The following CPA3 variants were observed in gnomAD, a reference collection of about 807,000 sequenced individuals.
The protein encoded by CPA3 is mast cell carboxypeptidase A.
CPA3 carries 52 observed loss-of-function variants against 55.8 expected under a neutral mutation model. That is an observed-to-expected ratio of 0.93 (90% confidence interval 0.75 to 1.17). The LOEUF (loss-of-function observed/expected upper bound fraction) is 1.17, where lower values mean the gene tolerates loss of function less well. Among genes scored for constraint, CPA3 ranks in the 50% most tolerant of loss-of-function variants. CPA3 has a pLI of 0.00. For synonymous variants in CPA3, 179 were observed against 171.2 expected (o/e 1.05, Z -0.36); for missense variants, 547 against 509.1 (o/e 1.07, Z -0.72).
At chr3:148,867,426 AC>A (rs766242911) in intron 2 of CPA3, among the ~76,000 whole-genome samples, 1 of 152,234 alleles carries the variant, frequency 6.6e-6, no homozygotes, top group Admixed American at 6.5e-5. Context: ...TGTGTTCCAC[AC>A]CAAACCTTTC....
chr3:148,872,708 C>T (rs1243416755), intron 3 of CPA3, among the ~76,000 whole-genome samples: 3 of 151,958 alleles, frequency 2.0e-5, no homozygotes, highest in South Asian at 2.1e-4. Flanking sequence ...CACATTTTTA[C>T]GTATTACTTA....
At chr3:148,890,778 A>G (rs12638376) in intron 10 of CPA3, among the ~76,000 whole-genome samples, 6,099 of 152,280 alleles carry the variant, frequency 0.04, 174 homozygotes, top group East Asian at 0.098. Flanking sequence ...TAAGTCACCA[A>G]CGTCACTTTA....
chr3:148,877,452 C>A (rs1002440496), intron 3 of CPA3, among the ~76,000 whole-genome samples: 15 of 151,990 alleles, frequency 9.9e-5, no homozygotes, highest in African/African-American at 3.4e-4. Flanking sequence ...CGAGATCACA[C>A]CATTGCACTC....
At chr3:148,886,649 C>A (rs531362277) in intron 10 of CPA3, among the ~76,000 whole-genome samples, 24 of 152,196 alleles carry the variant, frequency 1.6e-4, no homozygotes, top group Admixed American at 1.2e-3. Flanking sequence ...GAGCTGTGAT[C>A]GTGCCACGGC....
At position 148,883,755 on chromosome 3, in the gene CPA3, C is replaced by T; in HGVS notation, c.921C>T (p.Ser307=). 1 of 1,614,072 alleles carries T rather than the reference C, an allele frequency of 6.2e-7. No individual in the cohort carries two copies. The highest frequency in any genetic ancestry group is 8.5e-7 in the Non-Finnish European group (1 of 1,179,958). ...TTTACATCACCTTCCATTCCTACTC[C>T]CAGATGCTATTGTTTCCCTATGGAT... ...IKVYITFHSY[S]QMLLFPYGYT... Residue 307 remains serine (S), a synonymous_variant, in exon 9 of 11, where the codon TCC becomes TCT. Coordinates refer to ENST00000296046, the MANE Select transcript of CPA3 (RefSeq NM_001870.4).
At position 148,881,585 on chromosome 3, in the gene CPA3, A is replaced by T; in HGVS notation, c.640A>T (p.Ile214Phe). ...TKLLDRMNFY[I>F]LPVFNVDGYI... ...ACTCTTGGACCGAATGAATTTTTAC[A>T]TTCTTCCTGTGTTCAATGTTGATGG... The change falls in exon 7 of 11, where the codon ATT (isoleucine) becomes TTT (phenylalanine). Residue 214 changes from isoleucine (I) to phenylalanine (F), a missense_variant. Coordinates refer to ENST00000296046, the MANE Select transcript of CPA3 (RefSeq NM_001870.4). The T allele has an allele frequency of 6.2e-7, 1 of 1,613,166 alleles. No homozygotes were observed. Among genetic ancestry groups the T allele is most frequent in the Non-Finnish European group, 8.5e-7 (1 of 1,179,494 alleles).
chr3:148,885,024 C>T (rs75653275), intron 9 of CPA3, among the ~76,000 whole-genome samples: 1,827 of 152,210 alleles, frequency 0.012, 35 homozygotes, highest in African/African-American at 0.041. Flanking sequence ...CATTAAAATT[C>T]ATTCTGACAA....
Position 148,871,995 on chromosome 3 carries a change from T to C in CPA3, c.269+2956T>C, listed in dbSNP as rs116343582. 1.9e-3 allele frequency among the ~76,000 whole-genome samples: 282 copies of C among 152,306 alleles called. 2 individuals carry two copies. The highest frequency in any genetic ancestry group is 6.5e-3 in the African/African-American group (272 of 41,568). ...GGCACCAGGCTGAATTAAACCATAT[T>C]AAAAGGCTGGTTTGACACAAAGATT... On this transcript the variant is annotated intron_variant, in intron 3 of 10. Coordinates refer to ENST00000296046, the MANE Select transcript of CPA3 (RefSeq NM_001870.4).
chr3:148,878,356 G>A (rs1559967950), intron 3 of CPA3, 85 bp from the exon 4 acceptor site: 11 of 953,274 alleles, frequency 1.2e-5, no homozygotes, highest in African/African-American at 1.6e-5. Flanking sequence ...AAAGGAGAAG[G>A]AAGAGAAATT....
chr3:148,866,949 G>A lies in CPA3; in HGVS notation c.144+1401G>A, dbSNP rs942006958. On this transcript the variant is annotated intron_variant, in intron 2 of 10. Transcript: ENST00000296046. ...TTTTTGTGTTTTTAGTGAAGACGGGGTTTTGCCATGTTGCCCAGCTGGTCT... is the reference window on the plus strand; with the variant it reads ...TTTTTGTGTTTTTAGTGAAGACGGGATTTTGCCATGTTGCCCAGCTGGTCT... 1.1e-4 allele frequency among the ~76,000 whole-genome samples: 17 copies of A among 152,200 alleles called. 1 individual carries two copies. Among genetic ancestry groups the A allele is most frequent in the African/African-American group, 4.1e-4 (17 of 41,514 alleles).
At chr3:148,879,480 C>T (rs1041788964) in intron 5 of CPA3, among the ~76,000 whole-genome samples, 4 of 152,142 alleles carry the variant, frequency 2.6e-5, no homozygotes, top group African/African-American at 9.7e-5. Flanking sequence ...TAATAAATTT[C>T]TCAGAACACA....
chr3:148,893,604 A>G (rs929987996), intron 10 of CPA3, among the ~76,000 whole-genome samples: 6 of 152,240 alleles, frequency 3.9e-5, no homozygotes, highest in African/African-American at 1.4e-4. Context: ...GGAGCTGGAA[A>G]AAAAATGTTT....
At chr3:148,875,044 C>T (rs575529864) in intron 3 of CPA3, among the ~76,000 whole-genome samples, 1 of 152,112 alleles carries the variant, frequency 6.6e-6, no homozygotes, top group Non-Finnish European at 1.5e-5. Context: ...GTAACTAAGC[C>T]ACCCAAGATC....
At chr3:148,868,854 T>C (rs971432697) in intron 2 of CPA3, 61 bp from the exon 3 acceptor site, 103 of 1,572,062 alleles carry the variant, frequency 6.6e-5, no homozygotes, top group Non-Finnish European at 8.5e-5. Flanking sequence ...TGATCATTTC[T>C]TAATCAATAA....
intron 10 of CPA3, among the ~76,000 whole-genome samples, chr3:148,889,899 A>G (rs997819320): frequency 1.1e-4 from 16 of 148,604 alleles, no homozygotes; most frequent in African/African-American, 3.5e-4. Context: ...AATCATCAGG[A>G]AGCTTTTAAA....
In CPA3 at chr3:148,896,421, A is replaced by G. The variant is rs993003730; in HGVS notation, c.1067-99A>G. ...TTCATTACTGCAATTAACTGCACAC[A>G]TAACTATTTTTTATTGCTAATTATA... On this transcript the variant is annotated intron_variant, in intron 10 of 10. Coordinates refer to ENST00000296046, the MANE Select transcript of CPA3 (RefSeq NM_001870.4). The G allele has an allele frequency of 2.2e-5, 22 of 1,003,826 alleles. No individual in the cohort carries two copies. In the Admixed American group the frequency reaches 3.0e-4, roughly 14 times the overall value. The allele number at this position is 1,003,826 out of a possible 1,614,324, so 62.2% of individuals were successfully genotyped here. A position where few individuals can be genotyped will look rare whatever the true frequency, so the allele number is the denominator to read the frequency against.
chr3:148,874,417 C>A (rs572678931), intron 3 of CPA3, among the ~76,000 whole-genome samples: 2 of 152,234 alleles, frequency 1.3e-5, no homozygotes, highest in Admixed American at 1.3e-4. Flanking sequence ...CTTTTTAGAG[C>A]TTAAAGCAAT....
chr3:148,865,486 C>T lies in CPA3; in HGVS notation c.82C>T (p.Arg28Cys), dbSNP rs750672324. ...GCCTCCACAAAGGGAGAAGGTGTTC[C>T]GCGTGAAGCCCCAGGATGAAAAACA... ...PVRFDREKVF[R>C]VKPQDEKQAD... The change falls in exon 2 of 11, where the codon CGC becomes TGC. Residue 28 changes from arginine to cysteine, a missense_variant. Physicochemically the swap from Arg to Cys is radical, Grantham distance 180. Transcript: ENST00000296046. 2.2e-5 allele frequency: 35 copies of T among 1,613,700 alleles called. No homozygotes were observed. The highest frequency in any genetic ancestry group is 2.8e-5 in the Non-Finnish European group (33 of 1,179,964).
chr3:148,873,512 C>T (rs967398436), intron 3 of CPA3, among the ~76,000 whole-genome samples: 5 of 152,226 alleles, frequency 3.3e-5, no homozygotes, highest in Non-Finnish European at 5.9e-5. Flanking sequence ...GAATTTATCT[C>T]ATCTCTTCTC....
Sources: allele counts gnomAD v4.1 joint callset (sites outside exome capture counted in the v4.1 genomes callset), GRCh38; gene constraint gnomAD v4.1.1; transcripts MANE v1.5; gene names NCBI Gene and HGNC (gene_info 2026-07-23, HGNC 2026-07-21).